The following CYP7B1 variants were observed in gnomAD, a reference collection of about 807,000 sequenced individuals.
The protein encoded by CYP7B1 is cytochrome P450 family 7 subfamily B member 1.
Under a neutral mutation model 42.7 loss-of-function variants are expected in CYP7B1, and 29 were observed. That is an observed-to-expected ratio of 0.68 (90% confidence interval 0.51 to 0.93). The LOEUF (loss-of-function observed/expected upper bound fraction) is 0.93. Ranked by LOEUF, CYP7B1 falls within the 40% of genes least tolerant of loss-of-function variation. CYP7B1 has a pLI of 0.00. For missense variants in CYP7B1, 655 were observed against 600.5 expected, an observed-to-expected ratio of 1.09 and a Z score of -0.95; for synonymous variants, 235 against 218.2, an observed-to-expected ratio of 1.08 and a Z score of -0.68.
intron 1 of CYP7B1, among the ~76,000 whole-genome samples, chr8:64,772,861 AAGC>A (rs970039089): frequency 1.3e-5 from 2 of 152,162 alleles, no homozygotes; most frequent in African/African-American, 4.8e-5. Context: ...CAGGGACATC[AAGC>A]AACCCACCTT....
At chr8:64,665,559 GTTTTTTTTTTTTTTTTTTTTTT>G (rs540578806) in intron 1 of CYP7B1, among the ~76,000 whole-genome samples, 1 of 52,022 alleles carries the variant, frequency 1.9e-5, no homozygotes, top group South Asian at 1.0e-3. Context: ...TTTTTTGGTG[GTTTTTTTTTTTTTTTTTTTTTT>G]TTTTTTTTTT....
In CYP7B1 at chr8:64,591,272, T is replaced by C. The variant is rs1305274871; in HGVS notation, c.*5370A>G. Among the ~76,000 whole-genome samples the C allele has an allele frequency of 6.6e-6, 1 of 152,202 alleles. No homozygotes were observed. The highest frequency in any genetic ancestry group is 1.9e-4 in the East Asian group (1 of 5,206). ...AATACTAAAGAGTTTTATGTGATCA[T>C]TCATTATAATTTAAAATAGTGCTAC... is the stretch of plus-strand genomic sequence containing the variant. On this transcript the variant is annotated 3_prime_UTR_variant, in exon 6 of 6. Transcript: ENST00000310193.
In CYP7B1 at chr8:64,594,609, T is replaced by C. The variant is rs975533155; in HGVS notation, c.*2033A>G. ...GGGACCTTATTAGAACCAATTATAA[T>C]TGTGTATCATGAACTAAAGAGTGTA... On this transcript the variant is annotated 3_prime_UTR_variant, in exon 6 of 6. Transcript: ENST00000310193. Among the ~76,000 whole-genome samples, 2 of 152,124 alleles carry C rather than the reference T, an allele frequency of 1.3e-5. No homozygotes were observed. Among genetic ancestry groups the C allele is most frequent in the South Asian group, 2.1e-4 (1 of 4,806 alleles).
chr8:64,674,719 T>C (rs1806418134), intron 1 of CYP7B1, among the ~76,000 whole-genome samples: 1 of 152,100 alleles, frequency 6.6e-6, no homozygotes, highest in South Asian at 2.1e-4. Context: ...TCTAAGCACA[T>C]CTGCTACCAA....
intron 1 of CYP7B1, among the ~76,000 whole-genome samples, chr8:64,678,881 CTG>C (rs56067911): frequency 0.018 from 2,712 of 147,566 alleles, 36 homozygotes; most frequent in Middle Eastern, 0.042. Flanking sequence ...AACATCAATG[CTG>C]TGTGTGTGTG....
intron 2 of CYP7B1, among the ~76,000 whole-genome samples, chr8:64,622,011 G>C (rs1805538450): frequency 6.6e-6 from 1 of 151,984 alleles, no homozygotes; most frequent in African/African-American, 2.4e-5. Flanking sequence ...CCAGCTTCCA[G>C]GCAAAGGAGT....
At chr8:64,686,119 G>C (rs1472160835) in intron 1 of CYP7B1, among the ~76,000 whole-genome samples, 653 of 86,500 alleles carry the variant, frequency 7.5e-3, no homozygotes, top group Non-Finnish European at 8.9e-3. Flanking sequence ...TCAGCCCTCC[G>C]CCCGGCCAGC....
rs587777221 is a variant in CYP7B1 at position 64,616,281 on chromosome 8, C to T, written c.260G>A (p.Gly87Glu). The change falls in exon 3 of 6, where the codon GGA (glycine) becomes GAA (glutamate). Residue 87 changes from glycine to glutamate, a missense_variant and splice_region_variant. Transcript: ENST00000310193. ...GTCCAGGATAAATGTTATGTACTTT[C>T]CTAGAAAAAAAAAAAGAGAGAGAAA... ...HGDTFTVLLG[G>E]KYITFILDPF... 4 of 1,547,596 alleles carry T rather than the reference C, an allele frequency of 2.6e-6. No homozygotes were observed. The South Asian group carries it at 3.5e-5, about 14-fold the overall frequency.
chr8:64,675,763 C>T (rs1806436985), intron 1 of CYP7B1, among the ~76,000 whole-genome samples: 2 of 152,186 alleles, frequency 1.3e-5, no homozygotes, highest in South Asian at 2.1e-4. Flanking sequence ...AGAGGATGCA[C>T]TTGAAATACC....
chr8:64,742,434 TTAA>T (rs1290164694), intron 1 of CYP7B1, among the ~76,000 whole-genome samples: 2 of 152,266 alleles, frequency 1.3e-5, no homozygotes, highest in African/African-American at 4.8e-5. Flanking sequence ...GATGGATTTA[TTAA>T]TAAGAAAAAA....
chr8:64,646,606 A>G (rs1276492505), intron 1 of CYP7B1, among the ~76,000 whole-genome samples: 1 of 152,220 alleles, frequency 6.6e-6, no homozygotes, highest in Non-Finnish European at 1.5e-5. Context: ...ATCTTCTTCC[A>G]ATAGAGGGCT....
intron 1 of CYP7B1, among the ~76,000 whole-genome samples, chr8:64,716,137 T>A (rs1260153493): frequency 1.3e-5 from 2 of 152,214 alleles, no homozygotes; most frequent in South Asian, 4.1e-4. Context: ...CTCAAATTAT[T>A]TTCTAATCTT....
At chr8:64,723,010 T>C (rs1807269686) in intron 1 of CYP7B1, among the ~76,000 whole-genome samples, 1 of 152,190 alleles carries the variant, frequency 6.6e-6, no homozygotes, top group African/African-American at 2.4e-5. Flanking sequence ...AGCTGGCTTT[T>C]TTTTCTGCTA....
chr8:64,777,455 T>C (rs1486139116), intron 1 of CYP7B1, among the ~76,000 whole-genome samples: 1 of 152,106 alleles, frequency 6.6e-6, no homozygotes, highest in South Asian at 2.1e-4. Context: ...ATATTCAATG[T>C]AGCATAAAGG....
intron 1 of CYP7B1, among the ~76,000 whole-genome samples, chr8:64,715,104 AC>A (rs1385987181): frequency 6.6e-6 from 1 of 152,214 alleles, no homozygotes; most frequent in Non-Finnish European, 1.5e-5. Context: ...CAAGGTGTCT[AC>A]TTTGAAATTT....
At chr8:64,789,377 T>C (rs1804580994) in intron 1 of CYP7B1, among the ~76,000 whole-genome samples, 1 of 152,232 alleles carries the variant, frequency 6.6e-6, no homozygotes, top group Admixed American at 6.5e-5. Context: ...TTTGAGAATA[T>C]TCCACTGTAT....
At chr8:64,789,819 A>T (rs1278130747) in intron 1 of CYP7B1, among the ~76,000 whole-genome samples, 1 of 152,238 alleles carries the variant, frequency 6.6e-6, no homozygotes, top group Non-Finnish European at 1.5e-5. Flanking sequence ...GCCACTCCAG[A>T]TGTTTAAATA....
chr8:64,772,522 C>T (rs574203382), intron 1 of CYP7B1, among the ~76,000 whole-genome samples: 3 of 152,264 alleles, frequency 2.0e-5, no homozygotes, highest in East Asian at 3.9e-4. Context: ...CAGTGCTCTG[C>T]CTCACCCTGC....
intron 1 of CYP7B1, among the ~76,000 whole-genome samples, chr8:64,737,603 C>A (rs971762287): frequency 6.6e-6 from 1 of 152,230 alleles, no homozygotes; most frequent in East Asian, 1.9e-4. Context: ...AAAAATTATG[C>A]CTTGTAAGTA....
Sources: allele counts gnomAD v4.1 joint callset (sites outside exome capture counted in the v4.1 genomes callset), GRCh38; gene constraint gnomAD v4.1.1; transcripts MANE v1.5; gene names NCBI Gene and HGNC (gene_info 2026-07-23, HGNC 2026-07-21).